TMEM38A: variants seen among roughly 807,000 people sequenced by gnomAD.
TMEM38A encodes the protein trimeric intracellular cation channel type A.
In TMEM38A, 17 loss-of-function variants were observed where a neutral mutation model predicts 28.6. The observed-to-expected ratio is 0.60, with a 90% CI of 0.41 to 0.89. TMEM38A has a LOEUF of 0.89. Among genes scored for constraint, TMEM38A ranks in the 40% least tolerant of loss-of-function variants. The probability of loss-of-function intolerance (pLI) is 0.00; values close to 1 mark genes in which losing one functional copy is unlikely to be tolerated. For synonymous variants in TMEM38A, 169 were observed against 166.1 expected, an observed-to-expected ratio of 1.02 and a Z score of -0.14; for missense variants, 328 against 393.1, an observed-to-expected ratio of 0.83 and a Z score of 1.40.
intron 5 of TMEM38A, among the ~76,000 whole-genome samples, chr19:16,686,860 G>T (rs1484844836): frequency 6.6e-6 from 1 of 152,080 alleles, no homozygotes; most frequent in Non-Finnish European, 1.5e-5. Flanking sequence ...CCTGGGTGAG[G>T]ACTCCAGGGC....
At position 16,686,203 on chromosome 19, in the gene TMEM38A, G is replaced by A. The variant is rs556316461; in HGVS notation, c.555-85G>A. ...GAGAGAAGCTGGGATGGGAGCTGGT[G>A]CCAGGGCAGGGGGGTGTCTGGGCCA... On this transcript the variant is annotated intron_variant, in intron 4 of 5. Coordinates refer to ENST00000187762, the MANE Select transcript of TMEM38A (RefSeq NM_024074.4). 1.1e-3 allele frequency: 999 copies of A among 916,460 alleles called. 2 individuals carry two copies. Among genetic ancestry groups the A allele is most frequent in the Admixed American group, 1.8e-3 (85 of 46,682 alleles). 56.8% of individuals were successfully genotyped at this position (916,460 alleles called of 1,614,324 possible).
intron 1 of TMEM38A, among the ~76,000 whole-genome samples, chr19:16,675,705 C>A (rs989206993): frequency 6.6e-6 from 1 of 151,924 alleles, no homozygotes; most frequent in Non-Finnish European, 1.5e-5. Context: ...CCTCCCGCAA[C>A]GCCCAGCTAA....
chr19:16,682,169 T>G (rs1239101034), intron 3 of TMEM38A, among the ~76,000 whole-genome samples: 1 of 152,074 alleles, frequency 6.6e-6, no homozygotes, highest in African/African-American at 2.4e-5. Flanking sequence ...GTTGAAGACC[T>G]GCCTTGCAGG....
intron 1 of TMEM38A, among the ~76,000 whole-genome samples, chr19:16,677,595 G>T (rs2086757696): frequency 1.3e-5 from 2 of 150,616 alleles, no homozygotes; most frequent in Admixed American, 1.3e-4. Context: ...TCTCAACAGG[G>T]TCTTGCTCTG....
chr19:16,668,470 G>A (rs1341013366), intron 1 of TMEM38A, among the ~76,000 whole-genome samples: 1 of 150,834 alleles, frequency 6.6e-6, no homozygotes, highest in African/African-American at 2.4e-5. Context: ...GCTTGAACCT[G>A]GGGGGAGGCG....
chr19:16,677,815 C>T (rs1026613075), intron 1 of TMEM38A, among the ~76,000 whole-genome samples: 1 of 152,154 alleles, frequency 6.6e-6, no homozygotes, highest in Non-Finnish European at 1.5e-5. Context: ...GGCTCAGCCT[C>T]CCAGAGTGTT....
At chr19:16,684,222 C>T (rs979256832) in intron 4 of TMEM38A, among the ~76,000 whole-genome samples, 3 of 151,862 alleles carry the variant, frequency 2.0e-5, no homozygotes, top group Non-Finnish European at 2.9e-5. Flanking sequence ...CCCTGTAATC[C>T]CAGCTATTCA....
chr19:16,683,503 G>T (rs2086789649), intron 4 of TMEM38A, among the ~76,000 whole-genome samples: 1 of 150,630 alleles, frequency 6.6e-6, no homozygotes, highest in South Asian at 2.1e-4. Context: ...TGAGGCAAGA[G>T]GATTACTTGA....
At chr19:16,681,395 A>G (rs56898351) in intron 3 of TMEM38A, among the ~76,000 whole-genome samples, 1,893 of 152,300 alleles carry the variant, frequency 0.012, 26 homozygotes, top group Middle Eastern at 0.031. Context: ...AACAACTATA[A>G]ACATATATGC....
chr19:16,664,786 T>C (rs2086696150), intron 1 of TMEM38A, among the ~76,000 whole-genome samples: 2 of 151,638 alleles, frequency 1.3e-5, no homozygotes, highest in Non-Finnish European at 2.9e-5. Context: ...CAATGTTGCC[T>C]GGGAGCTGCA....
At chr19:16,666,393 A>G (rs1300834389) in intron 1 of TMEM38A, among the ~76,000 whole-genome samples, 1 of 151,874 alleles carries the variant, frequency 6.6e-6, no homozygotes, top group African/African-American at 2.4e-5. Flanking sequence ...CTGAAATTAC[A>G]GGTGTGAGCC....
rs1485048211 is a variant in TMEM38A, at chr19:16,661,337, G to C, written c.120G>C (p.Glu40Asp). ...FIVSILYLKY[E>D]PGAVELSRRH... ...TCTCCATCCTCTACCTCAAGTATGA[G>C]CCAGGTGAGCCGGGGCGGGGGGCTG... is the stretch of plus-strand genomic sequence containing the variant. The change falls in exon 1 of 6, where the codon GAG becomes GAC. Residue 40 changes from glutamate to aspartate, a missense_variant. Glu to Asp is a conservative substitution (Grantham distance 45). Coordinates refer to ENST00000187762, the MANE Select transcript of TMEM38A (RefSeq NM_024074.4). The surrounding 1 kb of genome is among the most constrained non-coding windows in gnomAD (Gnocchi z 6.5). The C allele has an allele frequency of 6.3e-7, 1 of 1,588,412 alleles. No individual in the cohort carries two copies. The highest frequency in any genetic ancestry group is 8.6e-7 in the Non-Finnish European group (1 of 1,167,610).
At chr19:16,663,534 C>CTT (rs926672602) in intron 1 of TMEM38A, among the ~76,000 whole-genome samples, 1 of 143,578 alleles carries the variant, frequency 7.0e-6, no homozygotes, top group Non-Finnish European at 1.5e-5. Context: ...TTTTTCTTTT[C>CTT]TTTTTTTTTT....
At chr19:16,664,207 G>A (rs370106861) in intron 1 of TMEM38A, among the ~76,000 whole-genome samples, 2 of 152,198 alleles carry the variant, frequency 1.3e-5, no homozygotes, top group East Asian at 1.9e-4. Flanking sequence ...CTTGAGCCCA[G>A]GACTTTGAAA....
intron 5 of TMEM38A, among the ~76,000 whole-genome samples, chr19:16,687,599 C>T (rs915325158): frequency 3.3e-5 from 5 of 152,098 alleles, no homozygotes; most frequent in African/African-American, 9.7e-5. Context: ...CTAGCCTGGT[C>T]GGGTTCTGGT....
intron 1 of TMEM38A, among the ~76,000 whole-genome samples, chr19:16,669,631 T>A (rs2086718003): frequency 1.3e-5 from 2 of 152,148 alleles, no homozygotes; most frequent in South Asian, 4.1e-4. Flanking sequence ...CTGCTCCACC[T>A]TGTGAGGGAG....
In TMEM38A at chr19:16,682,405, G is replaced by A. The variant is rs1164350274; in HGVS notation, c.467-16G>A. ...CTGGGGGTGGTGGGCTTGTTCAGAA[G>A]CACCCTGTCCTGTAGGTTCTGGTGT... On this transcript the variant is annotated splice_polypyrimidine_tract_variant and intron_variant, in intron 3 of 5. Transcript: ENST00000187762. 2 of 1,612,948 alleles carry A rather than the reference G, an allele frequency of 1.2e-6. No individual in the cohort carries two copies. The highest frequency in any genetic ancestry group is 1.7e-5 in the Admixed American group (1 of 59,968).
chr19:16,663,695 A>C (rs2086692031), intron 1 of TMEM38A, among the ~76,000 whole-genome samples: 3 of 142,084 alleles, frequency 2.1e-5, no homozygotes, highest in Admixed American at 2.1e-4. Flanking sequence ...TGCCCGGCTA[A>C]TTTTTTTTTT....
intron 1 of TMEM38A, among the ~76,000 whole-genome samples, chr19:16,667,557 A>T (rs2122577189): frequency 6.6e-6 from 1 of 152,140 alleles, no homozygotes; most frequent in East Asian, 1.9e-4. Context: ...ACCTAGGGAG[A>T]TTTTAAAAAT....
Sources: allele counts gnomAD v4.1 joint callset (sites outside exome capture counted in the v4.1 genomes callset), GRCh38; gene constraint gnomAD v4.1.1; non-coding constraint Gnocchi (gnomAD v3.1); transcripts MANE v1.5; gene names NCBI Gene and HGNC (gene_info 2026-07-23, HGNC 2026-07-21).